The following SRPK2 variants were observed in gnomAD, a reference collection of about 807,000 sequenced individuals.
SRPK2 encodes SFRS protein kinase 2.
A neutral mutation model predicts 90.8 loss-of-function variants in SRPK2; 21 were observed. The ratio of observed to expected loss-of-function variants is 0.23; its 90% CI spans 0.16 to 0.33. SRPK2 has a LOEUF of 0.33. Among genes scored for constraint, SRPK2 ranks in the 10% least tolerant of loss-of-function variants. SRPK2 has a pLI of 1.00. For missense variants in SRPK2, 620 were observed against 869.0 expected (o/e 0.71, Z 3.60); for synonymous variants, 288 against 311.1 (o/e 0.93, Z 0.78).
At chr7:105,200,817 C>T (rs1048971202) in intron 3 of SRPK2, among the ~76,000 whole-genome samples, 1 of 152,082 alleles carries the variant, frequency 6.6e-6, no homozygotes, top group Non-Finnish European at 1.5e-5. Flanking sequence ...AGAACTGTTC[C>T]AAATTAAAAG....
intron 2 of SRPK2, chr7:105,332,880 A>G (rs1814600042): frequency 6.6e-6 from 1 of 152,122 alleles, no homozygotes; most frequent in South Asian, 2.1e-4. Flanking sequence ...CAAATTCATG[A>G]AGTGTTCTAG....
intron 2 of SRPK2, among the ~76,000 whole-genome samples, chr7:105,372,005 G>A (rs1303677832): frequency 6.6e-6 from 1 of 151,726 alleles, no homozygotes; most frequent in Non-Finnish European, 1.5e-5. Context: ...CGTGGTGGCG[G>A]GCGCCTGTAG....
chr7:105,280,667 GCC>G (rs1807159784), intron 2 of SRPK2, among the ~76,000 whole-genome samples: 1 of 141,338 alleles, frequency 7.1e-6, no homozygotes, highest in African/African-American at 2.8e-5. Context: ...GGGGGGGGGG[GCC>G]GGGCACAGTG....
At chr7:105,308,315 G>A (rs1811355061) in intron 2 of SRPK2, among the ~76,000 whole-genome samples, 1 of 152,160 alleles carries the variant, frequency 6.6e-6, no homozygotes. Context: ...CCCAAGCATT[G>A]AAAAGATTAT....
At chr7:105,218,848 T>C (rs1417334928) in intron 2 of SRPK2, among the ~76,000 whole-genome samples, 1 of 151,996 alleles carries the variant, frequency 6.6e-6, no homozygotes, top group African/African-American at 2.4e-5. Flanking sequence ...TTCATTTTTC[T>C]TTTCTCCTTC....
At chr7:105,305,456 C>T (rs1248405233) in intron 2 of SRPK2, among the ~76,000 whole-genome samples, 1 of 152,136 alleles carries the variant, frequency 6.6e-6, no homozygotes, top group Non-Finnish European at 1.5e-5. Context: ...AAATTTTCTG[C>T]TGCCTACTAG....
intron 2 of SRPK2, among the ~76,000 whole-genome samples, chr7:105,209,273 G>C (rs942528234): frequency 6.6e-6 from 1 of 152,006 alleles, no homozygotes; most frequent in African/African-American, 2.4e-5. Flanking sequence ...CTTCAGGCCG[G>C]GTGCAGTGGC....
At chr7:105,229,429 A>G (rs553081490) in intron 2 of SRPK2, among the ~76,000 whole-genome samples, 7 of 151,672 alleles carry the variant, frequency 4.6e-5, no homozygotes, top group Admixed American at 3.9e-4. Flanking sequence ...GCGCCACTGC[A>G]CTCCAGCCTG....
intron 3 of SRPK2, among the ~76,000 whole-genome samples, chr7:105,177,675 T>C (rs1792154253): frequency 6.6e-6 from 1 of 152,084 alleles, no homozygotes; most frequent in Admixed American, 6.6e-5. Flanking sequence ...GTTATCACTG[T>C]GCTTTCAATT....
chr7:105,268,697 G>A (rs1805424606), intron 2 of SRPK2: 8 of 1,255,610 alleles, frequency 6.4e-6, no homozygotes, highest in South Asian at 1.4e-5. Context: ...ATACCAGCAT[G>A]CAGGACAATA....
chr7:105,140,257 T>C (rs1803510448), intron 11 of SRPK2, among the ~76,000 whole-genome samples: 1 of 152,156 alleles, frequency 6.6e-6, no homozygotes, highest in African/African-American at 2.4e-5. Context: ...CTGACTGTAC[T>C]TGAAGCCACT....
intron 2 of SRPK2, among the ~76,000 whole-genome samples, chr7:105,254,539 T>A (rs1176416895): frequency 6.6e-6 from 1 of 152,188 alleles, no homozygotes; most frequent in Non-Finnish European, 1.5e-5. Context: ...ATACTACAGA[T>A]GATTATTTAA....
intron 2 of SRPK2, among the ~76,000 whole-genome samples, chr7:105,232,717 T>TA (rs34306095): frequency 0.017 from 2,591 of 150,392 alleles, 36 homozygotes; most frequent in African/African-American, 0.044. Flanking sequence ...ACAATAATAA[T>TA]AAAAAAAAAA....
chr7:105,192,588 G>T (rs1794437383), intron 3 of SRPK2, among the ~76,000 whole-genome samples: 1 of 152,210 alleles, frequency 6.6e-6, no homozygotes, highest in South Asian at 2.1e-4. Flanking sequence ...TGGATCAATG[G>T]TAGTTCTACT....
chr7:105,377,884 G>A (rs920939593), intron 2 of SRPK2, among the ~76,000 whole-genome samples: 1 of 152,116 alleles, frequency 6.6e-6, no homozygotes, highest in African/African-American at 2.4e-5. Flanking sequence ...ACTAAGTCTA[G>A]TGGATTCTGG....
intron 2 of SRPK2, among the ~76,000 whole-genome samples, chr7:105,220,696 T>C (rs1332307485): frequency 6.6e-6 from 1 of 152,172 alleles, no homozygotes; most frequent in Non-Finnish European, 1.5e-5. Flanking sequence ...TAGCATACCA[T>C]TTACCACTCC....
intron 2 of SRPK2, among the ~76,000 whole-genome samples, chr7:105,264,959 T>C (rs1020123703): frequency 2.6e-5 from 4 of 152,196 alleles, no homozygotes; most frequent in Non-Finnish European, 4.4e-5. Flanking sequence ...TTAAGAATTG[T>C]ACAATTTTGT....
chr7:105,139,049 C>A (rs2129576036), intron 11 of SRPK2, among the ~76,000 whole-genome samples: 1 of 152,200 alleles, frequency 6.6e-6, no homozygotes, highest in East Asian at 1.9e-4. Flanking sequence ...TAAAAAAATA[C>A]ACAGATGCTC....
rs779676927 is a variant in SRPK2 at position 105,118,027 on chromosome 7, A to G, written c.1916-5T>C. 1 of 1,612,494 alleles carries G rather than the reference A, an allele frequency of 6.2e-7. No individual in the cohort carries two copies. Among genetic ancestry groups the G allele is most frequent in the Non-Finnish European group, 8.5e-7 (1 of 1,178,888 alleles). On this transcript the variant is annotated splice_region_variant and splice_polypyrimidine_tract_variant and intron_variant, in intron 15 of 15. Transcript: ENST00000393651. ...TGGTGATGTGTCGCAGTTCTCCTAC[A>G]GGGGAAAAAACAGGCCAATGTCAAG...
Sources: gnomAD v4.1 joint callset for allele counts (sites outside exome capture counted in the v4.1 genomes callset) on GRCh38, gnomAD v4.1.1 for gene constraint, MANE v1.5 for transcripts, NCBI Gene and HGNC (gene_info 2026-07-23, HGNC 2026-07-21) for gene names.